Variants in PARN observed in about 807,000 individuals in gnomAD.
PARN encodes the protein poly(A)-specific ribonuclease.
Under a neutral mutation model 102.8 loss-of-function variants are expected in PARN, and 71 were observed. That is an observed-to-expected ratio of 0.69 (90% CI 0.57 to 0.84). The LOEUF (loss-of-function observed/expected upper bound fraction) is 0.84, where lower values mean the gene tolerates loss of function less well. Ranked by LOEUF, PARN falls within the 40% of genes least tolerant of loss-of-function variation. The probability of loss-of-function intolerance (pLI) is 0.00; values close to 1 mark genes in which losing one functional copy is unlikely to be tolerated. For missense variants in PARN, 782 were observed against 760.9 expected (o/e 1.03, Z -0.33); for synonymous variants, 261 against 252.9 (o/e 1.03, Z -0.30).
chr16:14,467,067 C>A (rs370832149), intron 22 of PARN, among the ~76,000 whole-genome samples: 1 of 152,156 alleles, frequency 6.6e-6, no homozygotes, highest in Non-Finnish European at 1.5e-5. Flanking sequence ...AGGCAAATGA[C>A]CAGAAATAAG....
intron 22 of PARN, among the ~76,000 whole-genome samples, chr16:14,454,465 A>G (rs1391089868): frequency 1.3e-5 from 2 of 152,204 alleles, no homozygotes; most frequent in Non-Finnish European, 2.9e-5. Context: ...TTTTGTTGTC[A>G]TATCTAAGAA....
At chr16:14,540,038 G>A (rs1400180144) in intron 21 of PARN, among the ~76,000 whole-genome samples, 2 of 152,138 alleles carry the variant, frequency 1.3e-5, no homozygotes, top group Non-Finnish European at 2.9e-5. Flanking sequence ...TTATATCAAG[G>A]CCTTGAACAT....
Position 14,436,696 on chromosome 16 carries a change from T to G in PARN, c.*21A>C. On this transcript the variant is annotated 3_prime_UTR_variant, in exon 24 of 24. Coordinates refer to ENST00000437198, the MANE Select transcript of PARN (RefSeq NM_002582.4). ...TTGCTCACAGCGACAGCACCAGCGGTTTGCTGCCCTCAGGTCTTGGTTACC... is the reference window on the plus strand; with the variant it reads ...TTGCTCACAGCGACAGCACCAGCGGGTTGCTGCCCTCAGGTCTTGGTTACC... The G allele has an allele frequency of 6.3e-7, 1 of 1,579,902 alleles. No homozygotes were observed. The highest frequency in any genetic ancestry group is 8.6e-7 in the Non-Finnish European group (1 of 1,157,768).
chr16:14,543,943 C>T (rs1966857096), intron 21 of PARN, among the ~76,000 whole-genome samples: 1 of 152,124 alleles, frequency 6.6e-6, no homozygotes, highest in South Asian at 2.1e-4. Context: ...GCCTGTAATC[C>T]CAGCACTTTG....
At chr16:14,624,579 C>G (rs1187098140) in intron 5 of PARN, among the ~76,000 whole-genome samples, 2 of 152,148 alleles carry the variant, frequency 1.3e-5, no homozygotes, top group Non-Finnish European at 2.9e-5. Context: ...TGATCTGTTT[C>G]CAATACATTT....
At chr16:14,536,371 A>C (rs1035777396) in intron 21 of PARN, among the ~76,000 whole-genome samples, 2 of 152,226 alleles carry the variant, frequency 1.3e-5, no homozygotes, top group African/African-American at 4.8e-5. Flanking sequence ...AAACAACGAC[A>C]AAACATTAAA....
Position 14,554,209 on chromosome 16 carries a change from T to C in PARN, c.1319-58A>G. Reference sequence around the variant, plus strand: ...GGTGAAAAGTGATCAAGTAAACCAGTGACTCTTTGATGAAACTAAGTCTGA... The same window carrying C: ...GGTGAAAAGTGATCAAGTAAACCAGCGACTCTTTGATGAAACTAAGTCTGA... On this transcript the variant is annotated intron_variant, in intron 19 of 23. Transcript: ENST00000437198. 5.2e-6 allele frequency: 6 copies of C among 1,164,780 alleles called. No individual in the cohort carries two copies. The East Asian group carries it at 1.4e-4, about 28-fold the overall frequency. The allele number at this position is 1,164,780 out of a possible 1,614,324, so 72.2% of individuals were successfully genotyped here.
At chr16:14,524,552 G>A (rs1965898030) in intron 21 of PARN, among the ~76,000 whole-genome samples, 1 of 152,060 alleles carries the variant, frequency 6.6e-6, no homozygotes, top group Non-Finnish European at 1.5e-5. Context: ...ACAAGGAGGG[G>A]AAAAGCTCCT....
Position 14,613,403 on chromosome 16 carries a change from C to A in PARN, c.389-2594G>T, listed in dbSNP as rs188129048. On this transcript the variant is annotated intron_variant, in intron 6 of 23. Transcript: ENST00000437198. ...TTGGGAGGCTGAGGAGGGCGCATCACTTAAGATCAAGAGTTTAAGACCAGC... is the reference window on the plus strand; with the variant it reads ...TTGGGAGGCTGAGGAGGGCGCATCAATTAAGATCAAGAGTTTAAGACCAGC... 1.3e-3 allele frequency among the ~76,000 whole-genome samples: 190 copies of A among 151,988 alleles called. 1 individual carries two copies. The highest frequency in any genetic ancestry group is 4.2e-3 in the African/African-American group (174 of 41,442).
chr16:14,564,563 C>T (rs867913066), intron 18 of PARN, among the ~76,000 whole-genome samples: 2 of 152,320 alleles, frequency 1.3e-5, no homozygotes, highest in South Asian at 2.1e-4. Context: ...AGTGAATCAG[C>T]ATCTCAGGGT....
At chr16:14,482,615 A>C (rs970041468) in intron 22 of PARN, 23 bp downstream of exon 22, 1 of 1,546,560 alleles carries the variant, frequency 6.5e-7, no homozygotes, top group Non-Finnish European at 8.7e-7. Context: ...TGGCCTTTTA[A>C]ATTAACAGCT....
intron 18 of PARN, among the ~76,000 whole-genome samples, chr16:14,571,186 C>A (rs1263474806): frequency 6.6e-6 from 1 of 151,916 alleles, no homozygotes. Flanking sequence ...GAGTTCAAGA[C>A]CAGCCTAGCC....
At chr16:14,486,061 T>A (rs1193171490) in intron 21 of PARN, among the ~76,000 whole-genome samples, 1 of 152,180 alleles carries the variant, frequency 6.6e-6, no homozygotes, top group African/African-American at 2.4e-5. Context: ...ACATCTGCAA[T>A]AATCCCTCTG....
chr16:14,616,688 G>A (rs1033918276), intron 6 of PARN, among the ~76,000 whole-genome samples: 1 of 152,094 alleles, frequency 6.6e-6, no homozygotes, highest in African/African-American at 2.4e-5. Flanking sequence ...AGGCTCCGGT[G>A]AGCTATGATT....
chr16:14,617,462 G>A, intron 6 of PARN, 128 bp downstream of exon 6: 1 of 625,914 alleles, frequency 1.6e-6, no homozygotes, highest in Non-Finnish European at 2.9e-6. Flanking sequence ...GGCTGCACAT[G>A]TATGCTGGAA....
chr16:14,623,548 C>T (rs1972452954), intron 5 of PARN, among the ~76,000 whole-genome samples: 1 of 151,070 alleles, frequency 6.6e-6, no homozygotes, highest in Non-Finnish European at 1.5e-5. Flanking sequence ...AAAAAAGAAA[C>T]ACATCTGGCC....
At chr16:14,548,968 G>A (rs1445403316) in intron 21 of PARN, among the ~76,000 whole-genome samples, 1 of 148,412 alleles carries the variant, frequency 6.7e-6, no homozygotes, top group Non-Finnish European at 1.5e-5. Flanking sequence ...AGGAAGAGGG[G>A]AGGGAAGAAG....
chr16:14,614,388 A>C (rs957190036), intron 6 of PARN, among the ~76,000 whole-genome samples: 4 of 152,244 alleles, frequency 2.6e-5, no homozygotes, highest in Non-Finnish European at 4.4e-5. Context: ...AACAGACCAG[A>C]GCATTTGCTG....
At chr16:14,580,134 C>A (rs1196550171) in intron 18 of PARN, among the ~76,000 whole-genome samples, 1 of 152,146 alleles carries the variant, frequency 6.6e-6, no homozygotes, top group Non-Finnish European at 1.5e-5. Flanking sequence ...ACCGTGCCGG[C>A]TAATTTTTTG....
Sources: allele counts gnomAD v4.1 joint callset (sites outside exome capture counted in the v4.1 genomes callset), GRCh38; gene constraint gnomAD v4.1.1; transcripts MANE v1.5; gene names NCBI Gene and HGNC (gene_info 2026-07-23, HGNC 2026-07-21).